The following QTMAN variants were observed in gnomAD, a reference collection of about 807,000 sequenced individuals.
The protein encoded by QTMAN is queuosine-tRNA mannosyltransferase, also known as tRNA-queuosine alpha-mannosyltransferase.
chr2:144,152,141 T>C, the QTMAN span, among the ~76,000 whole-genome samples: 2 of 152,194 alleles, frequency 1.3e-5, no homozygotes, highest in African/African-American at 4.8e-5. Flanking sequence ...CATCATGTAA[T>C]TTTCCTTTCC....
At chr2:144,139,581 C>T in the QTMAN span, among the ~76,000 whole-genome samples, 1 of 152,094 alleles carries the variant, frequency 6.6e-6, no homozygotes, top group East Asian at 1.9e-4. Context: ...AAGAGCTTTC[C>T]CATCCCAAAA....
chr2:144,315,252 A>G, the QTMAN span, among the ~76,000 whole-genome samples: 2 of 152,210 alleles, frequency 1.3e-5, no homozygotes, highest in Non-Finnish European at 2.9e-5. Flanking sequence ...TAGCCAGTTA[A>G]AGTGTAATCT....
the QTMAN span, chr2:144,007,532 G>A: frequency 6.5e-7 from 1 of 1,548,136 alleles, no homozygotes; most frequent in East Asian, 2.3e-5. Context: ...GCTTGGGCAT[G>A]AATCTGTTAC....
At chr2:144,231,129 C>G in the QTMAN span, among the ~76,000 whole-genome samples, 1 of 152,138 alleles carries the variant, frequency 6.6e-6, no homozygotes, top group Admixed American at 6.5e-5. Flanking sequence ...TTAACATGTA[C>G]TCTTTCATGC....
At chr2:144,315,539 TTC>T in the QTMAN span, among the ~76,000 whole-genome samples, 2 of 152,230 alleles carry the variant, frequency 1.3e-5, no homozygotes, top group Non-Finnish European at 2.9e-5. Context: ...ATCCAGTATT[TTC>T]TCTGTCTCCT....
the QTMAN span, among the ~76,000 whole-genome samples, chr2:144,065,341 C>T: frequency 6.6e-6 from 1 of 152,306 alleles, no homozygotes; most frequent in East Asian, 1.9e-4. Context: ...TAGATTCACT[C>T]TCTACCTTTC....
chr2:144,103,435 C>G, the QTMAN span, among the ~76,000 whole-genome samples: 1 of 152,148 alleles, frequency 6.6e-6, no homozygotes, highest in Non-Finnish European at 1.5e-5. Context: ...AGCTTACCTT[C>G]TAATAGAACA....
At chr2:144,126,607 A>G in the QTMAN span, among the ~76,000 whole-genome samples, 1 of 152,024 alleles carries the variant, frequency 6.6e-6, no homozygotes, top group Non-Finnish European at 1.5e-5. Context: ...ACAATACACA[A>G]AATCATTTTT....
chr2:144,198,907 T>C, the QTMAN span, among the ~76,000 whole-genome samples: 1 of 152,202 alleles, frequency 6.6e-6, no homozygotes, highest in Non-Finnish European at 1.5e-5. Flanking sequence ...TTCTCTATTT[T>C]TCCTGTGAAC....
chr2:143,938,847 T>G, the QTMAN span: 130 of 152,366 alleles, frequency 8.5e-4, no homozygotes, highest in African/African-American at 2.9e-3. Context: ...TGGCTAACAT[T>G]ATTGCCAGGC....
At chr2:144,016,941 A>C in the QTMAN span, among the ~76,000 whole-genome samples, 13 of 152,334 alleles carry the variant, frequency 8.5e-5, no homozygotes, top group African/African-American at 3.1e-4. Flanking sequence ...AAGCTATCAA[A>C]ACTGACGAGA....
At chr2:143,985,490 C>T in the QTMAN span, among the ~76,000 whole-genome samples, 1 of 152,312 alleles carries the variant, frequency 6.6e-6, no homozygotes, top group African/African-American at 2.4e-5. Flanking sequence ...CTATGCAGTT[C>T]ATTCATGTTC....
chr2:144,267,363 AG>A, the QTMAN span, among the ~76,000 whole-genome samples: 2 of 152,238 alleles, frequency 1.3e-5, no homozygotes, highest in African/African-American at 4.8e-5. Flanking sequence ...GAGACTTCAA[AG>A]GAAAGTGCTC....
the QTMAN span, among the ~76,000 whole-genome samples, chr2:144,003,478 A>C: frequency 6.6e-6 from 1 of 151,822 alleles, no homozygotes; most frequent in Non-Finnish European, 1.5e-5. Context: ...GTCTTTCTCT[A>C]TAAGTTATTT....
At chr2:144,235,382 T>C in the QTMAN span, among the ~76,000 whole-genome samples, 457 of 152,168 alleles carry the variant, frequency 3.0e-3, 4 homozygotes, top group Middle Eastern at 6.8e-3. Context: ...AGGAACAATA[T>C]GAGAGCTGTC....
the QTMAN span, among the ~76,000 whole-genome samples, chr2:143,985,774 G>T: frequency 2.0e-5 from 3 of 152,090 alleles, no homozygotes; most frequent in Admixed American, 2.0e-4. Context: ...GCAGAACTAA[G>T]AAATTAATTG....
At chr2:144,251,187 T>A in the QTMAN span, among the ~76,000 whole-genome samples, 2 of 152,098 alleles carry the variant, frequency 1.3e-5, no homozygotes, top group Non-Finnish European at 2.9e-5. Flanking sequence ...ATGTATTTTT[T>A]AAAAAACATC....
At chr2:144,184,660 A>C in the QTMAN span, among the ~76,000 whole-genome samples, 1 of 152,152 alleles carries the variant, frequency 6.6e-6, no homozygotes. Context: ...GGGACTAAAT[A>C]TAATAAATTA....
the QTMAN span, among the ~76,000 whole-genome samples, chr2:143,991,700 G>T: frequency 4.4e-5 from 5 of 113,448 alleles, no homozygotes; most frequent in African/African-American, 1.7e-4. Context: ...GGGTCAGCCC[G>T]CCGCCCGGCC....
Sources: gnomAD v4.1 joint callset for allele counts (sites outside exome capture counted in the v4.1 genomes callset) on GRCh38, gnomAD v4.1.1 for gene constraint, MANE v1.5 for transcripts, NCBI Gene and HGNC (gene_info 2026-07-23, HGNC 2026-07-21) for gene names.